MCU: variants seen among roughly 807,000 people sequenced by gnomAD.
MCU encodes mitochondrial calcium uniporter.
MCU carries 12 observed loss-of-function variants against 45.2 expected under a neutral mutation model. The ratio of observed to expected loss-of-function variants is 0.27; its 90% CI spans 0.17 to 0.43. The LOEUF is 0.43. MCU is among the 20% of genes least tolerant of loss of function. MCU has a pLI of 1.00. For synonymous variants in MCU, 160 were observed against 165.1 expected, an observed-to-expected ratio of 0.97 and a Z score of 0.24; for missense variants, 324 against 436.7, an observed-to-expected ratio of 0.74 and a Z score of 2.30.
intron 1 of MCU, among the ~76,000 whole-genome samples, chr10:72,794,887 A>C (rs1844221058): frequency 6.6e-6 from 1 of 152,126 alleles, no homozygotes; most frequent in Non-Finnish European, 1.5e-5. Flanking sequence ...GTCTTAATAA[A>C]ATATTTTAAA....
chr10:72,760,805 GC>G (rs1843646036), intron 1 of MCU: 1 of 149,468 alleles, frequency 6.7e-6, no homozygotes, highest in African/African-American at 2.5e-5. Context: ...TCCCACCTCG[GC>G]CTCTCAAAGT....
In MCU at chr10:72,717,403, C is replaced by T. The variant is rs371037191; in HGVS notation, c.150+25102C>T. Among the ~76,000 whole-genome samples the T allele has an allele frequency of 2.6e-4, 39 of 151,974 alleles. 2 individuals are homozygous for T. The East Asian group carries it at 5.6e-3, about 22-fold the overall frequency. ...GCCTCCTAAGTAGCTGGGTTATAGG[C>T]GCCCGCCACCACGCCCGCTTAATTT... On this transcript the variant is annotated intron_variant, in intron 1 of 7. Coordinates refer to ENST00000373053, the MANE Select transcript of MCU (RefSeq NM_138357.3).
At chr10:72,699,891 C>T (rs1313945985) in intron 1 of MCU, among the ~76,000 whole-genome samples, 1 of 151,914 alleles carries the variant, frequency 6.6e-6, no homozygotes, top group East Asian at 1.9e-4. Context: ...TGCGCCCGGC[C>T]GAAATGGTTT....
intron 6 of MCU, among the ~76,000 whole-genome samples, chr10:72,879,073 G>A (rs1035213380): frequency 2.6e-5 from 4 of 152,128 alleles, no homozygotes; most frequent in Admixed American, 2.0e-4. Context: ...AGACCAGCCT[G>A]GCCAACATGG....
At chr10:72,746,023 T>C (rs1047222930) in intron 1 of MCU, among the ~76,000 whole-genome samples, 6 of 152,226 alleles carry the variant, frequency 3.9e-5, no homozygotes, top group African/African-American at 1.2e-4. Context: ...GCATCCCAGC[T>C]TTTCCTGCCT....
Position 72,856,399 on chromosome 10 carries a change from C to G in MCU, c.221-2778C>G, listed in dbSNP as rs535471787. On this transcript the variant is annotated intron_variant, in intron 2 of 7. Transcript: ENST00000373053. ...CAATTAGGTTTATTTCTTGAAAATT[C>G]AAATCATGAAAGATTTTAGTGTGAA... Among the ~76,000 whole-genome samples the G allele has an allele frequency of 1.5e-3, 221 of 152,094 alleles. 2 individuals carry two copies. Among genetic ancestry groups the G allele is most frequent in the African/African-American group, 4.9e-3 (202 of 41,482 alleles).
intron 1 of MCU, among the ~76,000 whole-genome samples, chr10:72,795,911 T>C (rs1213508428): frequency 6.6e-6 from 1 of 151,784 alleles, no homozygotes; most frequent in African/African-American, 2.4e-5. Context: ...GGCAGGAGAA[T>C]CGCTTGAACC....
intron 1 of MCU, among the ~76,000 whole-genome samples, chr10:72,779,939 C>T (rs1428828616): frequency 6.6e-6 from 1 of 151,620 alleles, no homozygotes; most frequent in Non-Finnish European, 1.5e-5. Flanking sequence ...ATGTATATAC[C>T]CAATAGAAAT....
At chr10:72,878,358 G>C (rs1194746769) in intron 6 of MCU, among the ~76,000 whole-genome samples, 2 of 151,952 alleles carry the variant, frequency 1.3e-5, no homozygotes, top group Non-Finnish European at 2.9e-5. Flanking sequence ...CTGGGCTCAA[G>C]CGATCTGCCT....
At chr10:72,846,583 G>A (rs1432183501) in intron 2 of MCU, among the ~76,000 whole-genome samples, 1 of 152,176 alleles carries the variant, frequency 6.6e-6, no homozygotes, top group South Asian at 2.1e-4. Flanking sequence ...ATGTACAAGA[G>A]TAGTGATGCT....
intron 1 of MCU, among the ~76,000 whole-genome samples, chr10:72,717,868 C>A (rs1351033691): frequency 6.6e-6 from 1 of 152,042 alleles, no homozygotes; most frequent in Non-Finnish European, 1.5e-5. Flanking sequence ...TTTAATTGGA[C>A]TTTTAAAAAT....
At chr10:72,836,511 G>A (rs538362426) in intron 2 of MCU, among the ~76,000 whole-genome samples, 16 of 152,154 alleles carry the variant, frequency 1.1e-4, no homozygotes, top group Admixed American at 8.5e-4. Context: ...GTACAGTTAT[G>A]TATACCTATA....
intron 1 of MCU, chr10:72,766,996 A>G (rs983242984): frequency 6.6e-6 from 1 of 152,206 alleles, no homozygotes; most frequent in African/African-American, 2.4e-5. Flanking sequence ...AATAAGTTTG[A>G]CAATTGTATG....
At chr10:72,793,080 T>C (rs1320294294) in intron 1 of MCU, among the ~76,000 whole-genome samples, 1 of 152,190 alleles carries the variant, frequency 6.6e-6, no homozygotes, top group Non-Finnish European at 1.5e-5. Flanking sequence ...GGTTTCACCA[T>C]GTTGCCCAGT....
intron 1 of MCU, among the ~76,000 whole-genome samples, chr10:72,724,984 A>G (rs1340925278): frequency 6.6e-6 from 1 of 152,192 alleles, no homozygotes; most frequent in Non-Finnish European, 1.5e-5. Flanking sequence ...TTTTGAAACA[A>G]GGTCTCATGT....
At chr10:72,811,313 T>C (rs1364297949) in intron 1 of MCU, among the ~76,000 whole-genome samples, 1 of 152,206 alleles carries the variant, frequency 6.6e-6, no homozygotes, top group African/African-American at 2.4e-5. Context: ...TGAGCCAAAA[T>C]AGAATTTGTT....
Position 72,856,791 on chromosome 10 carries a change from A to T in MCU, c.221-2386A>T, listed in dbSNP as rs1460148450. 2.8e-5 allele frequency among the ~76,000 whole-genome samples: 3 copies of T among 106,744 alleles called. No individual in the cohort carries two copies. In the Admixed American group the frequency reaches 3.0e-4, roughly 11 times the overall value. The allele number at this position is 106,744 out of a possible 152,430, so 70.0% of individuals were successfully genotyped here. On this transcript the variant is annotated intron_variant, in intron 2 of 7. Coordinates refer to ENST00000373053, the MANE Select transcript of MCU (RefSeq NM_138357.3). ...TCTAAAAAAAAAAAAAAAAAAAAAA[A>T]AAATAGCCTGGCATGGTGGTGCACG...
intron 1 of MCU, among the ~76,000 whole-genome samples, chr10:72,778,554 A>G (rs1447971379): frequency 1.3e-5 from 2 of 152,180 alleles, no homozygotes; most frequent in Non-Finnish European, 2.9e-5. Context: ...TTTGGGAGGC[A>G]TGGGTAGAGG....
At chr10:72,879,773 A>G (rs1323428772) in intron 6 of MCU, among the ~76,000 whole-genome samples, 3 of 152,188 alleles carry the variant, frequency 2.0e-5, no homozygotes, top group African/African-American at 4.8e-5. Context: ...AGGCCGGGCT[A>G]AGTAGCTCAT....
Sources: gnomAD v4.1 joint callset for allele counts (sites outside exome capture counted in the v4.1 genomes callset) on GRCh38, gnomAD v4.1.1 for gene constraint, MANE v1.5 for transcripts, NCBI Gene and HGNC (gene_info 2026-07-23, HGNC 2026-07-21) for gene names.